LHFPL1: variants seen among roughly 807,000 people sequenced by gnomAD.
LHFPL1 encodes LHFPL tetraspan subfamily member 1.
A neutral mutation model predicts 12.1 loss-of-function variants in LHFPL1; 4 were observed. The observed-to-expected ratio is 0.33, with a 90% CI of 0.16 to 0.76. The LOEUF (loss-of-function observed/expected upper bound fraction) is 0.76. LHFPL1 is among the 30% of genes least tolerant of loss of function. The pLI is 0.61. For synonymous variants in LHFPL1, 52 were observed against 61.9 expected, an observed-to-expected ratio of 0.84 and a Z score of 0.75; for missense variants, 141 against 174.1, an observed-to-expected ratio of 0.81 and a Z score of 1.07.
At chrX:112,635,305 A>T (rs1930308438) in intron 3 of LHFPL1, among the ~76,000 whole-genome samples, 1 of 112,690 alleles carries the variant, frequency 8.9e-6, no homozygotes, top group African/African-American at 3.2e-5. Flanking sequence ...AACAGCCATG[A>T]TTATTTCCAT....
intron 2 of LHFPL1, among the ~76,000 whole-genome samples, chrX:112,665,605 C>A (rs1239576681): frequency 8.9e-6 from 1 of 112,025 alleles, no homozygotes; most frequent in East Asian, 2.8e-4. Flanking sequence ...TCCCCTACTA[C>A]ACGTGGGAAG....
At chrX:112,650,888 A>G (rs1197374236) in intron 3 of LHFPL1, among the ~76,000 whole-genome samples, 1 of 112,356 alleles carries the variant, frequency 8.9e-6, no homozygotes, top group Non-Finnish European at 1.9e-5. Context: ...ACAGCAACAC[A>G]CAGAACATTT....
At chrX:112,659,925 T>C (rs182306365) in intron 3 of LHFPL1, among the ~76,000 whole-genome samples, 1 of 112,389 alleles carries the variant, frequency 8.9e-6, no homozygotes. Flanking sequence ...GCACAAGCTA[T>C]ATGTGGTTGG....
intron 2 of LHFPL1, among the ~76,000 whole-genome samples, chrX:112,662,789 C>T (rs1173410373): frequency 9.0e-6 from 1 of 111,486 alleles, no homozygotes; most frequent in East Asian, 2.8e-4. Flanking sequence ...AACTGAAATC[C>T]TAGGATATGA....
intron 3 of LHFPL1, among the ~76,000 whole-genome samples, chrX:112,656,657 A>G (rs1931012005): frequency 8.9e-6 from 1 of 112,513 alleles, no homozygotes; most frequent in South Asian, 3.6e-4. Context: ...TTAATAAAGG[A>G]GTTCAGCAAG....
At chrX:112,651,747 T>C (rs1212625301) in intron 3 of LHFPL1, among the ~76,000 whole-genome samples, 1 of 112,289 alleles carries the variant, frequency 8.9e-6, no homozygotes, top group Non-Finnish European at 1.9e-5. Context: ...CTCAGCCTCC[T>C]GACTGGCCTC....
At chrX:112,676,249 A>G (rs1931650378) in intron 1 of LHFPL1, among the ~76,000 whole-genome samples, 1 of 112,386 alleles carries the variant, frequency 8.9e-6, no homozygotes, top group African/African-American at 3.2e-5. Flanking sequence ...AAACAATGCT[A>G]TATTTTATTC....
At chrX:112,677,644 T>C (rs1353999266) in intron 1 of LHFPL1, among the ~76,000 whole-genome samples, 2 of 95,430 alleles carry the variant, frequency 2.1e-5, no homozygotes, top group Non-Finnish European at 4.0e-5. Flanking sequence ...TAGATCTTTC[T>C]GTTTCAGACA....
intron 1 of LHFPL1, among the ~76,000 whole-genome samples, chrX:112,676,808 A>T (rs758267393): frequency 4.4e-4 from 49 of 112,190 alleles, no homozygotes; most frequent in African/African-American, 1.5e-3. Context: ...AATTTGTTAT[A>T]TGCCTTTATA....
At chrX:112,666,901 A>C (rs760331550) in intron 2 of LHFPL1, among the ~76,000 whole-genome samples, 5 of 111,707 alleles carry the variant, frequency 4.5e-5, no homozygotes, top group Admixed American at 1.9e-4. Flanking sequence ...CAAGAGCATC[A>C]GTGTATGAAG....
At chrX:112,663,554 C>T (rs903050470) in intron 2 of LHFPL1, among the ~76,000 whole-genome samples, 1 of 111,571 alleles carries the variant, frequency 9.0e-6, no homozygotes, top group African/African-American at 3.3e-5. Flanking sequence ...ACATAACCTA[C>T]GCTAATCTCT....
chrX:112,631,285 C>A lies in LHFPL1; in HGVS notation c.*135G>T. On this transcript the variant is annotated 3_prime_UTR_variant, in exon 4 of 4. Transcript: ENST00000371968. ...TGGCTTAAAGATAAGTGAAAATGAA[C>A]GACAATTAGTTTAAAAAGCATGCAA... 2.0e-6 allele frequency: 1 copy of A among 495,237 alleles called. No individual in the cohort carries two copies. Among genetic ancestry groups the A allele is most frequent in the Middle Eastern group, 6.1e-4 (1 of 1,650 alleles). The allele number at this position is 495,237 out of a possible 1,213,427, so 40.8% of individuals were successfully genotyped here.
At chrX:112,645,803 C>A (rs763467442) in intron 3 of LHFPL1, among the ~76,000 whole-genome samples, 12 of 112,004 alleles carry the variant, frequency 1.1e-4, no homozygotes, top group Non-Finnish European at 2.3e-4. Flanking sequence ...TTGAATTTTT[C>A]ATTTATTTAA....
intron 3 of LHFPL1, among the ~76,000 whole-genome samples, chrX:112,643,103 G>A (rs1329904308): frequency 7.5e-5 from 8 of 106,093 alleles, no homozygotes; most frequent in African/African-American, 1.7e-4. Flanking sequence ...AAAAAAAGCC[G>A]GGCGCAGTGG....
At chrX:112,676,395 C>T (rs141700388) in intron 1 of LHFPL1, among the ~76,000 whole-genome samples, 2,346 of 111,511 alleles carry the variant, frequency 0.021, 57 homozygotes, top group African/African-American at 0.073. Context: ...GTCAAGTTAC[C>T]AGGCATTGAT....
chrX:112,663,737 A>G (rs770281431), intron 2 of LHFPL1, among the ~76,000 whole-genome samples: 55 of 111,765 alleles, frequency 4.9e-4, no homozygotes, highest in African/African-American at 1.6e-3. Context: ...CTTGGCAACA[A>G]TATCTCTAGC....
At chrX:112,636,716 C>T in intron 3 of LHFPL1, among the ~76,000 whole-genome samples, 1 of 111,998 alleles carries the variant, frequency 8.9e-6, no homozygotes, top group Middle Eastern at 4.6e-3. Context: ...TTAACTCCAC[C>T]AGGTCTCAGC....
At chrX:112,669,837 G>A (rs920315031) in intron 2 of LHFPL1, among the ~76,000 whole-genome samples, 2 of 111,525 alleles carry the variant, frequency 1.8e-5, no homozygotes, top group Admixed American at 1.9e-4. Flanking sequence ...TCTTCCAGGG[G>A]GGAGGGGCAT....
chrX:112,649,089 CT>C (rs760444613), intron 3 of LHFPL1, among the ~76,000 whole-genome samples: 24 of 110,699 alleles, frequency 2.2e-4, no homozygotes, highest in South Asian at 1.5e-3. Flanking sequence ...AAGCATACTT[CT>C]TTTTTTTTAT....
Sources: gnomAD v4.1 joint callset for allele counts (sites outside exome capture counted in the v4.1 genomes callset) on GRCh38, gnomAD v4.1.1 for gene constraint, MANE v1.5 for transcripts, NCBI Gene and HGNC (gene_info 2026-07-23, HGNC 2026-07-21) for gene names.